The following PSMA6 variants were observed in gnomAD, a reference collection of about 807,000 sequenced individuals.
PSMA6 encodes proteasome 20S subunit alpha 6, also known as proteasome subunit alpha type-6.
For missense variants in PSMA6, 170 were observed against 294.8 expected (o/e 0.58, Z 3.10); for synonymous variants, 88 against 97.7 (o/e 0.90, Z 0.59).
At chr14:35,284,238 C>T (rs1198286958) in intron 1 of PSMA6, among the ~76,000 whole-genome samples, 1 of 151,990 alleles carries the variant, frequency 6.6e-6, no homozygotes, top group Admixed American at 6.6e-5. Context: ...TTTTTTCTTC[C>T]TCTGCTTGTT....
intron 1 of PSMA6, among the ~76,000 whole-genome samples, chr14:35,287,142 A>G: frequency 6.6e-6 from 1 of 152,192 alleles, no homozygotes; most frequent in East Asian, 1.9e-4. Context: ...GAACTGAAGG[A>G]TCTGAGAAAG....
In PSMA6 at chr14:35,309,858, A is replaced by C. The variant is rs144224856; in HGVS notation, c.253+863A>C. Reference sequence around the variant, plus strand: ...ATGGTGGCAGGTGCCTGTAATCCCAACTACTCAGGAGGCTGAGGCAGGAGA... The same window carrying C: ...ATGGTGGCAGGTGCCTGTAATCCCACCTACTCAGGAGGCTGAGGCAGGAGA... On this transcript the variant is annotated intron_variant, in intron 3 of 6. Coordinates refer to ENST00000261479, the MANE Select transcript of PSMA6 (RefSeq NM_002791.3). 6.6e-5 allele frequency among the ~76,000 whole-genome samples: 10 copies of C among 151,376 alleles called. No homozygotes were observed. In the East Asian group the frequency reaches 1.9e-3, roughly 29 times the overall value.
upstream of PSMA6, among the ~76,000 whole-genome samples, chr14:35,291,842 A>G (rs1337647980): frequency 1.3e-5 from 2 of 151,108 alleles, no homozygotes; most frequent in Non-Finnish European, 3.0e-5. Flanking sequence ...AAAAAAAAAA[A>G]AAAAAGACTA....
Position 35,310,903 on chromosome 14 carries a change from T to G in PSMA6, c.409+8T>G. ...TGAGGCCTCTTGGTTGTTGTAAGTA[T>G]GCTAAGAGGTCTCCCAAATAATTGA... On this transcript the variant is annotated splice_region_variant and intron_variant, in intron 4 of 6. Coordinates refer to ENST00000261479, the MANE Select transcript of PSMA6 (RefSeq NM_002791.3). 6.2e-7 allele frequency: 1 copy of G among 1,607,094 alleles called. No homozygotes were observed. Among genetic ancestry groups the G allele is most frequent in the Non-Finnish European group, 8.5e-7 (1 of 1,176,424 alleles).
At chr14:35,288,749 G>A (rs2051446655), upstream of PSMA6, among the ~76,000 whole-genome samples, 1 of 152,090 alleles carries the variant, frequency 6.6e-6, no homozygotes, top group African/African-American at 2.4e-5. Flanking sequence ...TAGACTGCAG[G>A]GTGCGTAATA....
At chr14:35,299,523 T>C (rs949618857) in intron 1 of PSMA6, among the ~76,000 whole-genome samples, 1 of 151,638 alleles carries the variant, frequency 6.6e-6, no homozygotes, top group Admixed American at 6.6e-5. Context: ...TGTTTCACTA[T>C]GTTGGTTAGG....
At chr14:35,287,899 T>A (rs913130503), upstream of PSMA6, among the ~76,000 whole-genome samples, 2 of 147,776 alleles carry the variant, frequency 1.4e-5, no homozygotes, top group African/African-American at 5.1e-5. Context: ...TTGGCACATA[T>A]TCACGAAGTC....
Position 35,292,567 on chromosome 14 carries a change from T to G in PSMA6, c.76+15T>G, listed in dbSNP as rs748784692. On this transcript the variant is annotated intron_variant, in intron 1 of 6. Transcript: ENST00000261479. ...CTACCAAGTAGGTGAGTGAACCAGG[T>G]TCGCCTGTGGGCCACCTGAATTGCC... is the stretch of plus-strand genomic sequence containing the variant. The G allele has an allele frequency of 3.7e-6, 6 of 1,612,616 alleles. No individual in the cohort carries two copies. The highest frequency in any genetic ancestry group is 5.1e-6 in the Non-Finnish European group (6 of 1,179,086).
chr14:35,286,389 C>G (rs1032472753), intron 1 of PSMA6, among the ~76,000 whole-genome samples: 2 of 152,158 alleles, frequency 1.3e-5, no homozygotes, highest in East Asian at 3.8e-4. Context: ...AACGGTTAAG[C>G]CCAAGCCAGC....
upstream of PSMA6, among the ~76,000 whole-genome samples, chr14:35,290,125 A>G (rs1215640882): frequency 6.6e-6 from 1 of 152,140 alleles, no homozygotes; most frequent in Non-Finnish European, 1.5e-5. Flanking sequence ...CATATGTCTC[A>G]ATGTGAAAAA....
chr14:35,291,749 G>A (rs1327562286), upstream of PSMA6, among the ~76,000 whole-genome samples: 1 of 151,182 alleles, frequency 6.6e-6, no homozygotes, highest in African/African-American at 2.4e-5. Flanking sequence ...CTTGAACTCA[G>A]GAGGGGGAGG....
intron 4 of PSMA6, 99 bp from the exon 5 acceptor site, chr14:35,312,782 C>T (rs1473071097): frequency 2.7e-6 from 3 of 1,112,330 alleles, no homozygotes; most frequent in East Asian, 5.6e-5. Flanking sequence ...AATTGATGGC[C>T]AAAGTCATGA....
chr14:35,315,740 C>G (rs1345328029), intron 6 of PSMA6: 4 of 150,946 alleles, frequency 2.6e-5, no homozygotes, highest in Non-Finnish European at 4.4e-5. Context: ...CAAGAATAAT[C>G]TTAAAATCTC....
chr14:35,291,696 G>A (rs150782916), upstream of PSMA6, among the ~76,000 whole-genome samples: 199 of 151,984 alleles, frequency 1.3e-3, 3 homozygotes, highest in East Asian at 0.012. Context: ...GGTGGCACAC[G>A]CCTATAATCC....
At chr14:35,312,623 A>G (rs2051966947) in intron 4 of PSMA6, 3 of 424,116 alleles carry the variant, frequency 7.1e-6, no homozygotes, top group Admixed American at 4.3e-5. Context: ...TGGAAACACT[A>G]TTTTTAAATT....
chr14:35,311,118 T>C, intron 4 of PSMA6: 1 of 412,556 alleles, frequency 2.4e-6, no homozygotes, highest in Non-Finnish European at 4.3e-6. Flanking sequence ...TTTATCAAAG[T>C]ATTTCCATTT....
chr14:35,297,204 C>T (rs533220050), intron 1 of PSMA6, among the ~76,000 whole-genome samples: 18 of 144,700 alleles, frequency 1.2e-4, no homozygotes, highest in African/African-American at 4.1e-4. Context: ...TAGAACATCC[C>T]GTTTTATTTT....
intron 1 of PSMA6, chr14:35,292,924 G>A (rs1200544104): frequency 4.2e-6 from 2 of 475,682 alleles, no homozygotes; most frequent in Non-Finnish European, 4.2e-6. Flanking sequence ...CAACTAAAAT[G>A]CCTCCTCTCC....
At chr14:35,292,612 G>T in intron 1 of PSMA6, 60 bp downstream of exon 1, 1 of 1,587,792 alleles carries the variant, frequency 6.3e-7, no homozygotes, top group Non-Finnish European at 8.6e-7. Context: ...TACGTGCCTG[G>T]AGCGAGCAGA....
Sources: allele counts gnomAD v4.1 joint callset (sites outside exome capture counted in the v4.1 genomes callset), GRCh38; gene constraint gnomAD v4.1.1; transcripts MANE v1.5; gene names NCBI Gene and HGNC (gene_info 2026-07-23, HGNC 2026-07-21).